XYLT1: variants seen among roughly 807,000 people sequenced by gnomAD.
XYLT1 encodes the protein xylosyltransferase 1, also known as beta-D-xylosyltransferase 1.
A neutral mutation model predicts 91.3 loss-of-function variants in XYLT1; 36 were observed. The ratio of observed to expected loss-of-function variants is 0.39; its 90% CI spans 0.30 to 0.52. The LOEUF (loss-of-function observed/expected upper bound fraction) is 0.52, where lower values mean the gene tolerates loss of function less well. XYLT1 is among the 20% of genes least tolerant of loss of function. The pLI is 0.68. For missense variants in XYLT1, 1,242 were observed against 1,284.5 expected, an observed-to-expected ratio of 0.97 and a Z score of 0.51; for synonymous variants, 588 against 532.0, an observed-to-expected ratio of 1.11 and a Z score of -1.45.
At position 17,200,670 on chromosome 16, in the gene XYLT1, G is replaced by A. The variant is rs763174976; in HGVS notation, c.914-16C>T. 1 of 1,604,828 alleles carries A rather than the reference G, an allele frequency of 6.2e-7. No homozygotes were observed. The highest frequency in any genetic ancestry group is 2.2e-5 in the East Asian group (1 of 44,616). ...TTGGCTTTACCTGGGGAAAATCCAAGAGAACAGAGAGGAGAAAGTGAGGCT... is the reference window on the plus strand; with the variant it reads ...TTGGCTTTACCTGGGGAAAATCCAAAAGAACAGAGAGGAGAAAGTGAGGCT... On this transcript the variant is annotated splice_polypyrimidine_tract_variant and intron_variant, in intron 3 of 11. Transcript: ENST00000261381.
intron 2 of XYLT1, among the ~76,000 whole-genome samples, chr16:17,325,691 T>C (rs1265698444): frequency 1.3e-5 from 2 of 152,176 alleles, no homozygotes. Context: ...TATTGCCTTA[T>C]GAGTGGGGGA....
At chr16:17,253,628 C>A (rs950924790) in intron 3 of XYLT1, among the ~76,000 whole-genome samples, 1 of 152,140 alleles carries the variant, frequency 6.6e-6, no homozygotes, top group Non-Finnish European at 1.5e-5. Context: ...TGATGATGCT[C>A]ATCTCCCCTT....
At position 17,134,725 on chromosome 16, in the gene XYLT1, C is replaced by T. The variant is rs776038981; in HGVS notation, c.1775G>A (p.Arg592Gln). The change falls in exon 9 of 12, where the codon CGG becomes CAG. Residue 592 changes from arginine (R) to glutamine (Q), a missense_variant. By Grantham distance (43) the Arg-to-Gln change is conservative (BLOSUM62 1). Transcript: ENST00000261381. ...QDFHRFQQTA[R>Q]PTFFARKFEA... is the part of the protein sequence containing the mutation. ...AAACTTGCGGGCAAAGAAGGTAGGC[C>T]GGGCTGTCTGCTGTACTCATGGGAT... 1.6e-5 allele frequency: 26 copies of T among 1,613,998 alleles called. No homozygotes were observed. The highest frequency in any genetic ancestry group is 5.3e-5 in the African/African-American group (4 of 74,908).
At chr16:17,461,203 G>A (rs2036816682) in intron 1 of XYLT1, among the ~76,000 whole-genome samples, 1 of 152,208 alleles carries the variant, frequency 6.6e-6, no homozygotes, top group Non-Finnish European at 1.5e-5. Flanking sequence ...CAGGCCTCAT[G>A]GACAGTTCTG....
intron 11 of XYLT1, among the ~76,000 whole-genome samples, chr16:17,111,027 G>GCTGATGC (rs1188201320): frequency 1.3e-5 from 2 of 152,294 alleles, no homozygotes; most frequent in East Asian, 3.9e-4. Context: ...GGGCGTGATG[G>GCTGATGC]CTGATGCCTG....
chr16:17,129,450 C>T (rs1165612579), intron 9 of XYLT1, among the ~76,000 whole-genome samples: 3 of 152,116 alleles, frequency 2.0e-5, no homozygotes, highest in Admixed American at 1.3e-4. Flanking sequence ...TTAGTAGAGA[C>T]GGGGTTTCAC....
chr16:17,448,551 T>TCC lies in XYLT1; in HGVS notation c.363+21881_363+21882dup, dbSNP rs556672416. Among the ~76,000 whole-genome samples, 27 of 151,934 alleles carry TCC rather than the reference T, an allele frequency of 1.8e-4. No homozygotes were observed. In the South Asian group the frequency reaches 5.0e-3, roughly 28 times the overall value. Reference sequence around the variant, plus strand: ...CCACACAGCCAGCAACACAATCTAGTCCCCACACAGCTCCAGAGGAAGGAG... The same window carrying TCC: ...CCACACAGCCAGCAACACAATCTAGTCCCCCCACACAGCTCCAGAGGAAGGAG... On this transcript the variant is annotated intron_variant, in intron 1 of 11. Coordinates refer to ENST00000261381, the MANE Select transcript of XYLT1 (RefSeq NM_022166.4).
chr16:17,121,011 G>A lies in XYLT1; in HGVS notation c.2224-3032C>T, dbSNP rs577390986. 9.2e-5 allele frequency among the ~76,000 whole-genome samples: 14 copies of A among 152,270 alleles called. No homozygotes were observed. In the South Asian group the frequency reaches 2.9e-3, roughly 32 times the overall value. ...AACGTATCCACCCATCTGTCTGTCT[G>A]TTAATCAATCTATGTATCACCTGTC... On this transcript the variant is annotated intron_variant, in intron 10 of 11. Transcript: ENST00000261381.
chr16:17,400,126 G>A (rs758370596), intron 1 of XYLT1, among the ~76,000 whole-genome samples: 4 of 152,116 alleles, frequency 2.6e-5, no homozygotes, highest in Non-Finnish European at 5.9e-5. Context: ...CTCAGTCTTC[G>A]GCCAGGTAGA....
At chr16:17,356,453 C>T (rs933691863) in intron 2 of XYLT1, among the ~76,000 whole-genome samples, 2 of 152,124 alleles carry the variant, frequency 1.3e-5, no homozygotes, top group Admixed American at 6.5e-5. Flanking sequence ...CGTGGCTATA[C>T]CTGTGTGCCA....
chr16:17,218,362 GT>G (rs34493078), intron 3 of XYLT1, among the ~76,000 whole-genome samples: 20 of 146,422 alleles, frequency 1.4e-4, no homozygotes, highest in African/African-American at 2.0e-4. Flanking sequence ...GCGGACTTTT[GT>G]TTTTTTTTTT....
intron 1 of XYLT1, among the ~76,000 whole-genome samples, chr16:17,417,427 T>C (rs1040644881): frequency 2.0e-5 from 3 of 152,156 alleles, no homozygotes; most frequent in African/African-American, 7.2e-5. Flanking sequence ...GGTTGTTTCC[T>C]GTGCCTGGAT....
At chr16:17,231,824 C>T (rs1410584872) in intron 3 of XYLT1, among the ~76,000 whole-genome samples, 5 of 151,982 alleles carry the variant, frequency 3.3e-5, no homozygotes, top group Non-Finnish European at 7.4e-5. Context: ...ATGAATGGAG[C>T]TTGCAGAACT....
At chr16:17,170,940 G>T (rs1287489506) in intron 5 of XYLT1, among the ~76,000 whole-genome samples, 1 of 152,138 alleles carries the variant, frequency 6.6e-6, no homozygotes, top group Non-Finnish European at 1.5e-5. Flanking sequence ...GCTAGTCGAT[G>T]CTCAATTTTG....
chr16:17,178,385 A>T (rs7197587), intron 5 of XYLT1, among the ~76,000 whole-genome samples: 1 of 151,860 alleles, frequency 6.6e-6, no homozygotes, highest in Admixed American at 6.6e-5. Context: ...GATCTCCATC[A>T]CTCATTCTCT....
intron 1 of XYLT1, among the ~76,000 whole-genome samples, chr16:17,373,619 C>T (rs2035562955): frequency 1.3e-5 from 2 of 152,218 alleles, no homozygotes; most frequent in African/African-American, 4.8e-5. Context: ...CACCAACATA[C>T]AGCATGTGCC....
rs1485102347 is a variant in XYLT1, at chr16:17,289,725, T to C, written c.403-30227A>G. Among the ~76,000 whole-genome samples the C allele has an allele frequency of 3.3e-5, 5 of 152,276 alleles. No individual in the cohort carries two copies. The East Asian group carries it at 9.7e-4, about 29-fold the overall frequency. Reference sequence around the variant, plus strand: ...GCTTCAGTTCTGTACCTAGGAAAATTTGACTGGCTCCAAAAAAAAGTTTGC... The same window carrying C: ...GCTTCAGTTCTGTACCTAGGAAAATCTGACTGGCTCCAAAAAAAAGTTTGC... On this transcript the variant is annotated intron_variant, in intron 2 of 11. Transcript: ENST00000261381.
chr16:17,306,419 G>A (rs79030429), intron 2 of XYLT1, among the ~76,000 whole-genome samples: 3,774 of 152,160 alleles, frequency 0.025, 72 homozygotes, highest in Middle Eastern at 0.058. Flanking sequence ...CGAGGCAGGC[G>A]GCGCGCATGT....
At chr16:17,418,654 C>A (rs1450526476) in intron 1 of XYLT1, among the ~76,000 whole-genome samples, 1 of 152,054 alleles carries the variant, frequency 6.6e-6, no homozygotes, top group Non-Finnish European at 1.5e-5. Context: ...TTGAGACCAG[C>A]CTGGGCAATA....
Sources: allele counts gnomAD v4.1 joint callset (sites outside exome capture counted in the v4.1 genomes callset), GRCh38; gene constraint gnomAD v4.1.1; transcripts MANE v1.5; gene names NCBI Gene and HGNC (gene_info 2026-07-23, HGNC 2026-07-21).